GPR63: variants seen among roughly 807,000 people sequenced by gnomAD.
The protein encoded by GPR63 is probable G protein-coupled receptor 63.
In GPR63, 12 loss-of-function variants were observed where a neutral mutation model predicts 23.1. That is an observed-to-expected ratio of 0.52 (90% CI 0.33 to 0.84). The LOEUF (loss-of-function observed/expected upper bound fraction) is 0.84, where lower values mean the gene tolerates loss of function less well. Ranked by LOEUF, GPR63 falls within the 40% of genes least tolerant of loss-of-function variation. The pLI is 0.02. For missense variants in GPR63, 472 were observed against 515.6 expected (o/e 0.92, Z 0.82); for synonymous variants, 172 against 191.1 (o/e 0.90, Z 0.82).
intron 1 of GPR63, among the ~76,000 whole-genome samples, chr6:96,826,507 T>C (rs1034596768): frequency 1.3e-5 from 2 of 152,284 alleles, no homozygotes; most frequent in African/African-American, 2.4e-5. Flanking sequence ...AATACATTAA[T>C]GTCTGCTTTT....
At chr6:96,829,975 AAAC>A (rs775285684) in intron 1 of GPR63, among the ~76,000 whole-genome samples, 3 of 152,324 alleles carry the variant, frequency 2.0e-5, no homozygotes, top group East Asian at 1.9e-4. Context: ...AATTAACAAA[AAAC>A]AAATTACAGC....
At chr6:96,824,351 G>GA (rs1022453312) in intron 1 of GPR63, among the ~76,000 whole-genome samples, 3 of 151,934 alleles carry the variant, frequency 2.0e-5, no homozygotes, top group African/African-American at 7.2e-5. Flanking sequence ...CTCACTAGCA[G>GA]AAAGACTCTA....
intron 1 of GPR63, among the ~76,000 whole-genome samples, chr6:96,813,366 T>C (rs577342382): frequency 1.3e-5 from 2 of 152,266 alleles, no homozygotes; most frequent in African/African-American, 4.8e-5. Flanking sequence ...AGCACTGAAA[T>C]TGCTGGATTG....
chr6:96,800,521 G>C (rs1277140994), intron 1 of GPR63, among the ~76,000 whole-genome samples: 1 of 151,522 alleles, frequency 6.6e-6, no homozygotes, highest in African/African-American at 2.4e-5. Flanking sequence ...TTTAGTTTTT[G>C]AATTAAAAAT....
chr6:96,814,087 G>A (rs1774105931), intron 1 of GPR63, among the ~76,000 whole-genome samples: 1 of 152,100 alleles, frequency 6.6e-6, no homozygotes, highest in Non-Finnish European at 1.5e-5. Flanking sequence ...GACATTCAAT[G>A]GTACTCAGAA....
intron 1 of GPR63, among the ~76,000 whole-genome samples, chr6:96,823,671 G>A (rs1014506591): frequency 5.9e-5 from 9 of 151,944 alleles, no homozygotes; most frequent in Non-Finnish European, 1.2e-4. Context: ...AGACTTTCAC[G>A]TTCACTTACC....
At chr6:96,835,987 G>T (rs1462111007) in intron 1 of GPR63, among the ~76,000 whole-genome samples, 6 of 152,050 alleles carry the variant, frequency 3.9e-5, no homozygotes, top group Non-Finnish European at 8.8e-5. Context: ...TGTTCAAAAT[G>T]ATCTGAATGC....
In GPR63 at chr6:96,796,660, T is replaced by A. The variant is rs1773586395; in HGVS notation, c.*1812A>T. 6.6e-6 allele frequency: 1 copy of A among 152,184 alleles called. No homozygotes were observed. Among genetic ancestry groups the A allele is most frequent in the Non-Finnish European group, 1.5e-5 (1 of 68,062 alleles). The allele number at this position is 152,184 out of a possible 1,614,324, so 9.4% of individuals were successfully genotyped here. A position where few individuals can be genotyped will look rare whatever the true frequency, so the allele number is the denominator to read the frequency against. ...TTCCCTTCTTTGTAGGAGACACACA[T>A]CTGAGCACGTTCACAAACTCCAGCT... On this transcript the variant is annotated 3_prime_UTR_variant, in exon 2 of 2. Transcript: ENST00000229955.
At chr6:96,821,251 A>C (rs1774306144) in intron 1 of GPR63, among the ~76,000 whole-genome samples, 1 of 152,220 alleles carries the variant, frequency 6.6e-6, no homozygotes, top group African/African-American at 2.4e-5. Context: ...AGTTTCACTT[A>C]AGTCAGAAAA....
chr6:96,810,074 C>A (rs1359712502), intron 1 of GPR63, among the ~76,000 whole-genome samples: 1 of 152,096 alleles, frequency 6.6e-6, no homozygotes, highest in Non-Finnish European at 1.5e-5. Flanking sequence ...TAATATTAAA[C>A]AATTTAAATA....
In GPR63 at chr6:96,799,793, GA is replaced by G. The variant is rs1773714650; in HGVS notation, c.-63del. 6.5e-7 allele frequency: 1 copy of G among 1,540,002 alleles called. No individual in the cohort carries two copies. Among genetic ancestry groups the G allele is most frequent in the Admixed American group, 1.7e-5 (1 of 59,840 alleles). ...GGAGTTCTTCAAGCATTTCAACACAGAACAGCAGTATCAGGTCCCATTGATG... is the reference window on the plus strand; with the variant it reads ...GGAGTTCTTCAAGCATTTCAACACAGACAGCAGTATCAGGTCCCATTGATG... On this transcript the variant is annotated 5_prime_UTR_variant, in exon 2 of 2. The change abolishes the stop of an existing upstream ORF in the 5' untranslated region. Transcript: ENST00000229955.
At position 96,828,562 on chromosome 6, in the gene GPR63, T is replaced by TAAAA. The variant is rs36063508; in HGVS notation, c.-151+8702_-151+8705dup. 3.0e-3 allele frequency among the ~76,000 whole-genome samples: 346 copies of TAAAA among 114,102 alleles called. 3 individuals carry two copies. Among genetic ancestry groups the TAAAA allele is most frequent in the Middle Eastern group, 4.7e-3 (1 of 212 alleles). 74.9% of individuals were successfully genotyped at this position (114,102 alleles called of 152,430 possible). ...CTCCTGACCCCCCAAATAAAAACAG[T>TAAAA]AAAAAAAAAAAAAAAATGGTAGGGG... is the stretch of plus-strand genomic sequence containing the variant. On this transcript the variant is annotated intron_variant, in intron 1 of 1. Transcript: ENST00000229955.
At chr6:96,836,370 T>C (rs1461256468) in intron 1 of GPR63, among the ~76,000 whole-genome samples, 1 of 152,188 alleles carries the variant, frequency 6.6e-6, no homozygotes, top group Non-Finnish European at 1.5e-5. Context: ...GGTTGAAGGC[T>C]TCTTAATCTA....
intron 1 of GPR63, among the ~76,000 whole-genome samples, chr6:96,809,286 T>C (rs1444884222): frequency 6.6e-6 from 1 of 152,156 alleles, no homozygotes; most frequent in East Asian, 1.9e-4. Context: ...CAAATGACCC[T>C]GTATTCAGAG....
At chr6:96,813,265 A>T (rs7746903) in intron 1 of GPR63, among the ~76,000 whole-genome samples, 38,567 of 151,986 alleles carry the variant, frequency 0.25, 5,046 homozygotes, top group South Asian at 0.31. Flanking sequence ...GGTTGATTCC[A>T]CATCTTTGCT....
rs762743974 is a variant in GPR63 at position 96,799,058 on chromosome 6, C to T, written c.674G>A (p.Arg225Gln). Residue 225 changes from arginine (R) to glutamine (Q), a missense_variant, in exon 2 of 2, where the codon CGA becomes CAA. By Grantham distance (43) the Arg-to-Gln change is conservative. Coordinates refer to ENST00000229955, the MANE Select transcript of GPR63 (RefSeq NM_030784.4). ...GTACCCAAACACACACTGGGGAGCTCGGGAAGGTATCTGCAGGTCGGGGTT... is the reference window on the plus strand; with the variant it reads ...GTACCCAAACACACACTGGGGAGCTTGGGAAGGTATCTGCAGGTCGGGGTT... ...VGNPDLQIPS[R>Q]APQCVFGYTT... The T allele has an allele frequency of 3.1e-5, 50 of 1,613,946 alleles. No homozygotes were observed. The highest frequency in any genetic ancestry group is 1.6e-4 in the Middle Eastern group (1 of 6,084).
At chr6:96,836,496 T>C (rs562099192) in intron 1 of GPR63, among the ~76,000 whole-genome samples, 4 of 152,296 alleles carry the variant, frequency 2.6e-5, no homozygotes, top group African/African-American at 9.6e-5. Flanking sequence ...TAGGGATGCC[T>C]GTATTCCCTA....
rs758427363 is a variant in GPR63 at position 96,799,049 on chromosome 6, T to C, written c.683A>G (p.Gln228Arg). Residue 228 changes from glutamine to arginine, a missense_variant, in exon 2 of 2, where the codon CAG (glutamine) becomes CGG (arginine). Coordinates refer to ENST00000229955, the MANE Select transcript of GPR63 (RefSeq NM_030784.4). Reference protein sequence around the residue: ...PDLQIPSRAPQCVFGYTTNPG... With the variant: ...PDLQIPSRAPRCVFGYTTNPG... ...ATTGGTTGTGTACCCAAACACACAC[T>C]GGGGAGCTCGGGAAGGTATCTGCAG... 6.2e-7 allele frequency: 1 copy of C among 1,614,132 alleles called. No individual in the cohort carries two copies. Among genetic ancestry groups the C allele is most frequent in the Admixed American group, 1.7e-5 (1 of 60,016 alleles).
intron 1 of GPR63, among the ~76,000 whole-genome samples, chr6:96,813,451 T>G (rs1029412220): frequency 6.6e-6 from 1 of 152,182 alleles, no homozygotes; most frequent in Non-Finnish European, 1.5e-5. Context: ...ATGTTTAATT[T>G]CCATATATTT....
Sources: allele counts gnomAD v4.1 joint callset (sites outside exome capture counted in the v4.1 genomes callset), GRCh38; gene constraint gnomAD v4.1.1; transcripts MANE v1.5; gene names NCBI Gene and HGNC (gene_info 2026-07-23, HGNC 2026-07-21).